Variants in CDYL2 observed in about 807,000 individuals in gnomAD.
CDYL2 encodes the protein chromodomain Y like 2, also known as chromodomain Y-like protein 2.
CDYL2 carries 23 observed loss-of-function variants against 49.4 expected under a neutral mutation model. That is an observed-to-expected ratio of 0.47 (90% confidence interval 0.34 to 0.66). CDYL2 has a LOEUF of 0.66. CDYL2 is among the 30% of genes least tolerant of loss of function. CDYL2 has a pLI of 0.01. For synonymous variants in CDYL2, 360 were observed against 268.8 expected (o/e 1.34, Z -3.32); for missense variants, 678 against 656.4 (o/e 1.03, Z -0.36).
chr16:80,624,594 C>T (rs1907224176), intron 3 of CDYL2, among the ~76,000 whole-genome samples: 1 of 152,108 alleles, frequency 6.6e-6, no homozygotes, highest in Admixed American at 6.6e-5. Flanking sequence ...TCACAAAACA[C>T]TTGGGAAATA....
At position 80,598,793 on chromosome 16, in the gene CDYL2, G is replaced by A. The variant is rs1156958818; in HGVS notation, c.*5595C>T. The A allele has an allele frequency of 6.6e-6, 1 of 152,132 alleles. No individual in the cohort carries two copies. The highest frequency in any genetic ancestry group is 6.6e-5 in the Admixed American group (1 of 15,260). 9.4% of individuals were successfully genotyped at this position (152,132 alleles called of 1,614,324 possible). A position where few individuals can be genotyped will look rare whatever the true frequency, so the allele number is the denominator to read the frequency against. On this transcript the variant is annotated 3_prime_UTR_variant, in exon 7 of 7. Coordinates refer to ENST00000570137, the MANE Select transcript of CDYL2 (RefSeq NM_152342.4). Reference sequence around the variant, plus strand: ...ATCCCTCTGTATGGCCAGCCAGGGGGAGCATGAGGTTGGTGGAAGTCAGCA... The same window carrying A: ...ATCCCTCTGTATGGCCAGCCAGGGGAAGCATGAGGTTGGTGGAAGTCAGCA...
chr16:80,751,572 A>G (rs1906138031), intron 1 of CDYL2, among the ~76,000 whole-genome samples: 1 of 152,234 alleles, frequency 6.6e-6, no homozygotes, highest in South Asian at 2.1e-4. Flanking sequence ...AAGCTAGGAC[A>G]GAAGAGAAAC....
chr16:80,694,344 C>A (rs1910537722), intron 1 of CDYL2, among the ~76,000 whole-genome samples: 1 of 152,196 alleles, frequency 6.6e-6, no homozygotes, highest in South Asian at 2.1e-4. Flanking sequence ...AGTCCATAAC[C>A]AGGGGGTTAG....
intron 1 of CDYL2, among the ~76,000 whole-genome samples, chr16:80,725,696 G>A (rs952906770): frequency 1.3e-5 from 2 of 152,142 alleles, no homozygotes; most frequent in Non-Finnish European, 2.9e-5. Context: ...ACCCTAACCC[G>A]GACTGAACTG....
chr16:80,599,627 C>T lies in CDYL2; in HGVS notation c.*4761G>A, dbSNP rs989901096. 1.3e-5 allele frequency: 2 copies of T among 152,180 alleles called. No individual in the cohort carries two copies. The highest frequency in any genetic ancestry group is 2.1e-4 in the South Asian group (1 of 4,824). The allele number at this position is 152,180 out of a possible 1,614,324, so 9.4% of individuals were successfully genotyped here. A position where few individuals can be genotyped will look rare whatever the true frequency, so the allele number is the denominator to read the frequency against. The stretch of plus-strand genomic sequence containing the variant: ...TAAAATTGACTTCAGATTGTCTACA[C>T]AGTAAGACTCATAGGTAAACTTTGT... On this transcript the variant is annotated 3_prime_UTR_variant, in exon 7 of 7. Transcript: ENST00000570137.
chr16:80,696,545 T>A (rs1278445597), intron 1 of CDYL2, among the ~76,000 whole-genome samples: 1 of 151,388 alleles, frequency 6.6e-6, no homozygotes. Flanking sequence ...ATTATCGAAA[T>A]ACAAAAAATT....
chr16:80,606,209 C>G (rs1239601300), intron 6 of CDYL2, among the ~76,000 whole-genome samples: 1 of 152,264 alleles, frequency 6.6e-6, no homozygotes, highest in Non-Finnish European at 1.5e-5. Flanking sequence ...CTCTTTCCCC[C>G]TGGAATGGCC....
chr16:80,738,209 T>C (rs896547460), intron 1 of CDYL2, among the ~76,000 whole-genome samples: 6 of 152,226 alleles, frequency 3.9e-5, no homozygotes, highest in African/African-American at 1.4e-4. Context: ...TCCTTTTTTA[T>C]GGCTGCATAG....
At chr16:80,711,379 G>C (rs1315822212) in intron 1 of CDYL2, among the ~76,000 whole-genome samples, 3 of 152,242 alleles carry the variant, frequency 2.0e-5, no homozygotes, top group African/African-American at 7.2e-5. Flanking sequence ...GACGTTGACA[G>C]CTTGTGGAGG....
chr16:80,637,205 G>C (rs372469350), intron 2 of CDYL2, among the ~76,000 whole-genome samples: 1 of 136,634 alleles, frequency 7.3e-6, no homozygotes, highest in Non-Finnish European at 1.6e-5. Context: ...AAATCTTTTA[G>C]TTCCTAAAAA....
intron 2 of CDYL2, among the ~76,000 whole-genome samples, chr16:80,634,399 GA>G (rs930167884): frequency 6.6e-5 from 10 of 152,186 alleles, no homozygotes; most frequent in Non-Finnish European, 1.3e-4. Context: ...CGCAAGGACA[GA>G]AAACCAAACA....
chr16:80,776,265 G>C (rs1907079859), intron 1 of CDYL2, among the ~76,000 whole-genome samples: 1 of 151,990 alleles, frequency 6.6e-6, no homozygotes, highest in South Asian at 2.1e-4. Context: ...AATTCAACTA[G>C]CTAGAAAATT....
Position 80,608,253 on chromosome 16 carries a change from G to A in CDYL2, c.1219-18C>T. The A allele has an allele frequency of 1.9e-6, 3 of 1,548,398 alleles. No homozygotes were observed. The highest frequency in any genetic ancestry group is 1.2e-5 in the South Asian group (1 of 83,522). ...TCATTGGCCTGAAAAAGCAAAAGCA[G>A]GCAAAGACTGAGGGCCTGGAGGTCC... is the stretch of plus-strand genomic sequence containing the variant. On this transcript the variant is annotated intron_variant, in intron 5 of 6. Transcript: ENST00000570137.
rs577024081 is a variant in CDYL2, at chr16:80,599,975, G to A, written c.*4413C>T. ...CATTCAGTCCATCAGCATGGCTTAC[G>A]TTGCATGGAGGAAACAACCCGTATT... On this transcript the variant is annotated 3_prime_UTR_variant, in exon 7 of 7. Transcript: ENST00000570137. 9 of 152,240 alleles carry A rather than the reference G, an allele frequency of 5.9e-5. No homozygotes were observed. Among genetic ancestry groups the A allele is most frequent in the African/African-American group, 1.9e-4 (8 of 41,550 alleles). 9.4% of individuals were successfully genotyped at this position (152,240 alleles called of 1,614,324 possible).
At chr16:80,695,910 C>T (rs560540149) in intron 1 of CDYL2, among the ~76,000 whole-genome samples, 2 of 152,320 alleles carry the variant, frequency 1.3e-5, no homozygotes, top group African/African-American at 4.8e-5. Flanking sequence ...ACCTACCAGA[C>T]ATTTATAGAA....
chr16:80,637,857 T>C (rs1490320421), intron 2 of CDYL2, among the ~76,000 whole-genome samples: 1 of 152,222 alleles, frequency 6.6e-6, no homozygotes, highest in Non-Finnish European at 1.5e-5. Flanking sequence ...TGCGGGTATC[T>C]AAGCATCACA....
At chr16:80,721,728 T>A (rs971747099) in intron 1 of CDYL2, among the ~76,000 whole-genome samples, 1 of 152,158 alleles carries the variant, frequency 6.6e-6, no homozygotes, top group Non-Finnish European at 1.5e-5. Context: ...AGACCACCCT[T>A]CAGCTTCTCC....
chr16:80,786,184 C>A (rs6564791), intron 1 of CDYL2, among the ~76,000 whole-genome samples: 4 of 152,074 alleles, frequency 2.6e-5, no homozygotes, highest in African/African-American at 7.2e-5. Flanking sequence ...GCAACCTACA[C>A]AATGGGAGAA....
chr16:80,641,639 C>T (rs137867548), intron 2 of CDYL2, among the ~76,000 whole-genome samples: 5,917 of 151,514 alleles, frequency 0.039, 396 homozygotes, highest in African/African-American at 0.14. Context: ...CAGCAAACTA[C>T]CGCAAGGACA....
Sources: gnomAD v4.1 joint callset for allele counts (sites outside exome capture counted in the v4.1 genomes callset) on GRCh38, gnomAD v4.1.1 for gene constraint, MANE v1.5 for transcripts, NCBI Gene and HGNC (gene_info 2026-07-23, HGNC 2026-07-21) for gene names.